CSMD1: variants seen among roughly 807,000 people sequenced by gnomAD.
The protein encoded by CSMD1 is CUB and Sushi multiple domains 1.
In CSMD1, 213 loss-of-function variants were observed where a neutral mutation model predicts 417.5. The observed-to-expected ratio is 0.51, with a 90% CI of 0.46 to 0.57. The LOEUF (loss-of-function observed/expected upper bound fraction) is 0.57, where lower values mean the gene tolerates loss of function less well. Ranked by LOEUF, CSMD1 falls within the 20% of genes least tolerant of loss-of-function variation. The pLI is 0.00. For synonymous variants in CSMD1, 2,862 were observed against 1,736.8 expected (o/e 1.65, Z -16.11); for missense variants, 6,923 against 4,529.7 (o/e 1.53, Z -15.17).
intron 3 of CSMD1, among the ~76,000 whole-genome samples, chr8:4,127,627 T>C (rs1385487420): frequency 3.3e-5 from 5 of 152,116 alleles, no homozygotes; most frequent in African/African-American, 1.2e-4. Flanking sequence ...AAAGTACCTG[T>C]ATGCATATTA....
At chr8:4,574,703 G>A (rs189094314) in intron 2 of CSMD1, among the ~76,000 whole-genome samples, 41 of 152,290 alleles carry the variant, frequency 2.7e-4, no homozygotes, top group Admixed American at 2.7e-3. Context: ...GGGGAAAACT[G>A]TCTTCTTTTC....
At chr8:3,404,472 T>G (rs924262037) in intron 15 of CSMD1, among the ~76,000 whole-genome samples, 10 of 152,168 alleles carry the variant, frequency 6.6e-5, no homozygotes, top group Admixed American at 1.3e-4. Flanking sequence ...AGGAGTTTAA[T>G]GCTCCACACC....
intron 59 of CSMD1, among the ~76,000 whole-genome samples, chr8:2,964,556 A>C (rs1185841133): frequency 1.3e-5 from 2 of 152,220 alleles, no homozygotes; most frequent in Non-Finnish European, 2.9e-5. Context: ...TACAAACACA[A>C]TGGGTACTAG....
intron 5 of CSMD1, among the ~76,000 whole-genome samples, chr8:3,971,269 G>T (rs574279087): frequency 6.6e-6 from 1 of 152,160 alleles, no homozygotes; most frequent in Non-Finnish European, 1.5e-5. Flanking sequence ...TCTCTGCACT[G>T]TGATTTCTAT....
At chr8:4,748,857 C>G (rs1811125868) in intron 1 of CSMD1, among the ~76,000 whole-genome samples, 1 of 152,244 alleles carries the variant, frequency 6.6e-6, no homozygotes, top group Non-Finnish European at 1.5e-5. Flanking sequence ...ACATACGCCC[C>G]TTCAGGAGAG....
At chr8:4,982,163 C>A (rs1418108761) in intron 1 of CSMD1, among the ~76,000 whole-genome samples, 4 of 152,220 alleles carry the variant, frequency 2.6e-5, no homozygotes, top group African/African-American at 9.6e-5. Flanking sequence ...AGAGACCCAG[C>A]TAAGCTGCCA....
intron 7 of CSMD1, among the ~76,000 whole-genome samples, chr8:3,699,547 G>A (rs1036298481): frequency 3.3e-5 from 5 of 152,086 alleles, no homozygotes; most frequent in African/African-American, 9.7e-5. Context: ...TATTTCTATG[G>A]ATTTCTATAT....
intron 5 of CSMD1, among the ~76,000 whole-genome samples, chr8:3,800,748 A>C (rs890249050): frequency 7.9e-5 from 12 of 152,122 alleles, no homozygotes; most frequent in African/African-American, 2.9e-4. Flanking sequence ...AGTTTTGTTG[A>C]GGTAGTTTGT....
chr8:4,331,346 C>G (rs937859269), intron 3 of CSMD1, among the ~76,000 whole-genome samples: 1 of 152,124 alleles, frequency 6.6e-6, no homozygotes, highest in African/African-American at 2.4e-5. Context: ...AATTTTACCC[C>G]GCCCCTCAAA....
At chr8:4,340,198 C>T (rs143882059) in intron 3 of CSMD1, among the ~76,000 whole-genome samples, 420 of 152,054 alleles carry the variant, frequency 2.8e-3, no homozygotes, top group African/African-American at 9.6e-3. Context: ...AAACTAATGA[C>T]ACCTTCGCCA....
At chr8:3,757,233 G>C (rs1448809914) in intron 5 of CSMD1, among the ~76,000 whole-genome samples, 3 of 152,152 alleles carry the variant, frequency 2.0e-5, no homozygotes, top group South Asian at 2.1e-4. Flanking sequence ...AACAATGATA[G>C]TTTTGTGTCA....
intron 12 of CSMD1, among the ~76,000 whole-genome samples, chr8:3,414,966 G>C (rs1434913348): frequency 1.3e-5 from 2 of 152,032 alleles, no homozygotes; most frequent in Non-Finnish European, 2.9e-5. Flanking sequence ...TGTACTTTTT[G>C]TGCTTTACTG....
rs1563086812 is a variant in CSMD1 at position 3,795,023 on chromosome 8, A to ATATAGCTATAGATACATATCTATCATG, written c.819-41008_819-40982dup. On this transcript the variant is annotated intron_variant, in intron 5 of 69. Transcript: ENST00000635120. ...ATAGCTATAAATACATATCTATCAT[A>ATATAGCTATAGATACATATCTATCATG]TATAGCTATAGATACATATCTATCA... Among the ~76,000 whole-genome samples, 88 of 96,720 alleles carry ATATAGCTATAGATACATATCTATCATG rather than the reference A, an allele frequency of 9.1e-4. 2 individuals are homozygous for ATATAGCTATAGATACATATCTATCATG. The highest frequency in any genetic ancestry group is 5.2e-3 in the South Asian group (15 of 2,866). The allele number at this position is 96,720 out of a possible 152,430, so 63.5% of individuals were successfully genotyped here. A position where few individuals can be genotyped will look rare whatever the true frequency, so the allele number is the denominator to read the frequency against.
At chr8:4,655,305 G>C (rs569985727) in intron 1 of CSMD1, among the ~76,000 whole-genome samples, 1 of 152,206 alleles carries the variant, frequency 6.6e-6, no homozygotes, top group East Asian at 1.9e-4. Flanking sequence ...CTGCCTGGCT[G>C]ATCCTAGTTC....
At chr8:4,432,897 GAGC>G (rs1168166984) in intron 2 of CSMD1, among the ~76,000 whole-genome samples, 2 of 152,228 alleles carry the variant, frequency 1.3e-5, no homozygotes, top group African/African-American at 4.8e-5. Flanking sequence ...ATCAAGGGGT[GAGC>G]AGCAGAAGCC....
Position 3,961,868 on chromosome 8 carries a change from T to C in CSMD1, c.818+36035A>G, listed in dbSNP as rs149082266. On this transcript the variant is annotated intron_variant, in intron 5 of 69. Transcript: ENST00000635120. ...TGAGGAAGAGATGTCCCTTTAGTCCTAAAACAGCGCATCCTGCCTTACGAC... is the reference window on the plus strand; with the variant it reads ...TGAGGAAGAGATGTCCCTTTAGTCCCAAAACAGCGCATCCTGCCTTACGAC... Among the ~76,000 whole-genome samples, 527 of 152,290 alleles carry C rather than the reference T, an allele frequency of 3.5e-3. 1 individual carries two copies. Among genetic ancestry groups the C allele is most frequent in the Non-Finnish European group, 5.4e-3 (366 of 68,036 alleles).
chr8:4,234,814 G>C (rs765700657), intron 3 of CSMD1, among the ~76,000 whole-genome samples: 1 of 152,122 alleles, frequency 6.6e-6, no homozygotes, highest in Non-Finnish European at 1.5e-5. Context: ...CTGGTGGTTG[G>C]AGAGATAAGA....
At position 3,253,849 on chromosome 8, in the gene CSMD1, T is replaced by TA. The variant is rs577294424; in HGVS notation, c.4154-23619dup. 8.6e-4 allele frequency among the ~76,000 whole-genome samples: 131 copies of TA among 152,352 alleles called. 1 individual carries two copies. Among genetic ancestry groups the TA allele is most frequent in the Admixed American group, 8.3e-3 (127 of 15,304 alleles). Reference sequence around the variant, plus strand: ...ATCCAATTTGCCAGTCTGTGTCTTTTAGTTGGAGCATTTAGCCCATTTACA... The same window carrying TA: ...ATCCAATTTGCCAGTCTGTGTCTTTTAAGTTGGAGCATTTAGCCCATTTACA... On this transcript the variant is annotated intron_variant, in intron 26 of 69. Coordinates refer to ENST00000635120, the MANE Select transcript of CSMD1 (RefSeq NM_033225.6).
intron 25 of CSMD1, among the ~76,000 whole-genome samples, chr8:3,305,686 ATATTCTTTTTCTT>A (rs1804781239): frequency 1.3e-5 from 2 of 152,062 alleles, no homozygotes; most frequent in Non-Finnish European, 2.9e-5. Flanking sequence ...TAAGTCTGTA[ATATTCTTTTTCTT>A]GAGACACAGT....
Sources: gnomAD v4.1 joint callset for allele counts (sites outside exome capture counted in the v4.1 genomes callset) on GRCh38, gnomAD v4.1.1 for gene constraint, MANE v1.5 for transcripts, NCBI Gene and HGNC (gene_info 2026-07-23, HGNC 2026-07-21) for gene names.